DENND1B: variants seen among roughly 807,000 people sequenced by gnomAD.
The protein encoded by DENND1B is DENN domain containing 1B.
In DENND1B, 59 loss-of-function variants were observed where a neutral mutation model predicts 90.1. The observed-to-expected ratio is 0.65, with a 90% CI of 0.53 to 0.81. DENND1B has a LOEUF of 0.81. DENND1B is among the 40% of genes least tolerant of loss of function. The pLI, the probability that DENND1B is intolerant of heterozygous loss-of-function variation, is 0.00. For synonymous variants in DENND1B, 337 were observed against 324.6 expected, an observed-to-expected ratio of 1.04 and a Z score of -0.41; for missense variants, 862 against 912.6, an observed-to-expected ratio of 0.94 and a Z score of 0.71.
intron 20 of DENND1B, among the ~76,000 whole-genome samples, chr1:197,530,964 A>G (rs1231903991): frequency 6.6e-6 from 1 of 152,134 alleles, no homozygotes; most frequent in Non-Finnish European, 1.5e-5. Flanking sequence ...CAATCACTCC[A>G]TCCAACATAA....
At chr1:197,706,612 A>G (rs1000491490) in intron 3 of DENND1B, among the ~76,000 whole-genome samples, 1 of 152,194 alleles carries the variant, frequency 6.6e-6, no homozygotes, top group African/African-American at 2.4e-5. Context: ...TAAAATGGGC[A>G]AATGAGCTGA....
chr1:197,694,077 C>T (rs538088798), intron 3 of DENND1B, among the ~76,000 whole-genome samples: 1 of 151,282 alleles, frequency 6.6e-6, no homozygotes, highest in Non-Finnish European at 1.5e-5. Flanking sequence ...CCTGACAATA[C>T]TTCCTTTAAA....
chr1:197,581,168 G>A (rs1197623000), intron 15 of DENND1B, among the ~76,000 whole-genome samples: 3 of 152,114 alleles, frequency 2.0e-5, no homozygotes, highest in Admixed American at 6.6e-5. Flanking sequence ...GGATTCATCT[G>A]TGTTAGTTTT....
At chr1:197,600,599 T>C (rs1676115320) in intron 13 of DENND1B, among the ~76,000 whole-genome samples, 2 of 151,842 alleles carry the variant, frequency 1.3e-5, no homozygotes, top group South Asian at 2.1e-4. Flanking sequence ...AATAGAGAAA[T>C]ACATTTCTAT....
In DENND1B at chr1:197,734,540, T is replaced by C. The variant is rs948986308; in HGVS notation, c.83-19466A>G. The stretch of plus-strand genomic sequence containing the variant: ...AAAAAGGAATACACAAAAATAGATG[T>C]TTTGTGTTATTGGTATAAAAAGAAA... On this transcript the variant is annotated intron_variant, in intron 2 of 22. Transcript: ENST00000620048. 7.2e-6 allele frequency: 7 copies of C among 973,664 alleles called. No homozygotes were observed. In the African/African-American group the frequency reaches 8.8e-5, roughly 12 times the overall value. The allele number at this position is 973,664 out of a possible 1,614,324, so 60.3% of individuals were successfully genotyped here.
chr1:197,545,360 G>A lies in DENND1B; in HGVS notation c.1350+562C>T, dbSNP rs1486319454. Among the ~76,000 whole-genome samples the A allele has an allele frequency of 3.3e-5, 5 of 151,956 alleles. No homozygotes were observed. In the South Asian group the frequency reaches 1.0e-3, roughly 32 times the overall value. On this transcript the variant is annotated intron_variant, in intron 18 of 22. Coordinates refer to ENST00000620048, the MANE Select transcript of DENND1B (RefSeq NM_001195215.2). ...GCGGAGGTTACAGTGAGCCGAGATC[G>A]TGCCACTGCACTCCAGCCTGGGTGA...
intron 8 of DENND1B, 52 bp from the exon 9 acceptor site, chr1:197,645,795 A>G (rs1558349121): frequency 8.1e-7 from 1 of 1,229,544 alleles, no homozygotes; most frequent in Non-Finnish European, 1.1e-6. Context: ...AACTGGTAAC[A>G]TATAATTTGT....
At chr1:197,518,593 T>C (rs1037038802) in intron 20 of DENND1B, among the ~76,000 whole-genome samples, 2 of 151,892 alleles carry the variant, frequency 1.3e-5, no homozygotes, top group Non-Finnish European at 2.9e-5. Context: ...AGCTTCAAGA[T>C]AGCAAATAGC....
intron 1 of DENND1B, 51 bp from the exon 2 acceptor site, chr1:197,772,983 T>A (rs1341391815): frequency 1.1e-5 from 15 of 1,405,564 alleles, no homozygotes; most frequent in Non-Finnish European, 1.5e-5. Flanking sequence ...AACATCTCCA[T>A]GAAACTTGTA....
At chr1:197,549,680 T>C (rs1228870597) in intron 16 of DENND1B, among the ~76,000 whole-genome samples, 1 of 152,184 alleles carries the variant, frequency 6.6e-6, no homozygotes, top group Non-Finnish European at 1.5e-5. Context: ...TCCTGTTTTA[T>C]TATCTTTTAA....
At chr1:197,524,290 T>C (rs2125619854) in intron 20 of DENND1B, among the ~76,000 whole-genome samples, 1 of 152,298 alleles carries the variant, frequency 6.6e-6, no homozygotes, top group Non-Finnish European at 1.5e-5. Context: ...CTAATATTTA[T>C]GAAACTTCTG....
Position 197,615,505 on chromosome 1 carries a change from C to A in DENND1B, c.773+2154G>T, listed in dbSNP as rs187506168. On this transcript the variant is annotated intron_variant, in intron 11 of 22. Transcript: ENST00000620048. ...AAAGATATATCTTTTCCTATCAAAT[C>A]TTCATGACACTATTTTTGAACTGGA... Among the ~76,000 whole-genome samples the A allele has an allele frequency of 1.1e-4, 16 of 151,060 alleles. No individual in the cohort carries two copies. The East Asian group carries it at 3.1e-3, about 30-fold the overall frequency.
chr1:197,590,779 T>C (rs1010365623), intron 14 of DENND1B, among the ~76,000 whole-genome samples: 1 of 152,184 alleles, frequency 6.6e-6, no homozygotes, highest in African/African-American at 2.4e-5. Context: ...CTGTCTTCCT[T>C]CCTAAGGTCT....
chr1:197,675,877 C>T lies in DENND1B; in HGVS notation c.127-1708G>A, dbSNP rs190809051. On this transcript the variant is annotated intron_variant, in intron 3 of 22. Coordinates refer to ENST00000620048, the MANE Select transcript of DENND1B (RefSeq NM_001195215.2). The stretch of plus-strand genomic sequence containing the variant: ...CATCAATTTTAAGACTCAAGACGAA[C>T]GCTTCCCAGTTAGTTGCTCAATCTT... Among the ~76,000 whole-genome samples, 283 of 152,032 alleles carry T rather than the reference C, an allele frequency of 1.9e-3. 1 individual carries two copies. Among genetic ancestry groups the T allele is most frequent in the Non-Finnish European group, 3.3e-3 (226 of 67,980 alleles).
At position 197,531,386 on chromosome 1, in the gene DENND1B, C is replaced by CTT. The variant is rs1448393506; in HGVS notation, c.1515+8576_1515+8577dup. 2.9e-3 allele frequency among the ~76,000 whole-genome samples: 10 copies of CTT among 3,440 alleles called. 1 individual carries two copies. Among genetic ancestry groups the CTT allele is most frequent in the African/African-American group, 3.1e-3 (10 of 3,264 alleles). The allele number at this position is 3,440 out of a possible 152,430, so 2.3% of individuals were successfully genotyped here. On this transcript the variant is annotated intron_variant, in intron 20 of 22. Coordinates refer to ENST00000620048, the MANE Select transcript of DENND1B (RefSeq NM_001195215.2). ...CAATTAAATTCACCACATAACAAATCTTTTTTTTTTTTTTTTTTCTTTTTT... is the reference window on the plus strand; with the variant it reads ...CAATTAAATTCACCACATAACAAATCTTTTTTTTTTTTTTTTTTTTCTTTTTT...
intron 16 of DENND1B, among the ~76,000 whole-genome samples, chr1:197,551,366 T>G (rs1213620943): frequency 1.3e-5 from 2 of 152,300 alleles, no homozygotes; most frequent in African/African-American, 2.4e-5. Flanking sequence ...AGATAAGTAC[T>G]GGCTCTCTCA....
intron 10 of DENND1B, among the ~76,000 whole-genome samples, chr1:197,629,253 A>C (rs1294425977): frequency 1.3e-5 from 2 of 152,032 alleles, no homozygotes; most frequent in Non-Finnish European, 2.9e-5. Flanking sequence ...CACTATTCAC[A>C]ATAGCAAAGA....
chr1:197,675,381 C>T (rs1289033200), intron 3 of DENND1B, among the ~76,000 whole-genome samples: 1 of 151,790 alleles, frequency 6.6e-6, no homozygotes, highest in Admixed American at 6.6e-5. Context: ...ATTCCAATAC[C>T]AATACCTAAG....
intron 2 of DENND1B, among the ~76,000 whole-genome samples, chr1:197,750,884 A>G (rs974352278): frequency 5.3e-5 from 8 of 152,182 alleles, no homozygotes; most frequent in Non-Finnish European, 7.3e-5. Flanking sequence ...TAGTTCATAA[A>G]GAAGACATAA....
Sources: allele counts gnomAD v4.1 joint callset (sites outside exome capture counted in the v4.1 genomes callset), GRCh38; gene constraint gnomAD v4.1.1; transcripts MANE v1.5; gene names NCBI Gene and HGNC (gene_info 2026-07-23, HGNC 2026-07-21).